DIAPH2: variants seen among roughly 807,000 people sequenced by gnomAD.
DIAPH2 encodes diaphanous related formin 2.
Under a neutral mutation model 92.7 loss-of-function variants are expected in DIAPH2, and 35 were observed. That is an observed-to-expected ratio of 0.38 (90% CI 0.29 to 0.50). The LOEUF (loss-of-function observed/expected upper bound fraction) is 0.50, where lower values mean the gene tolerates loss of function less well. Ranked by LOEUF, DIAPH2 falls within the 20% of genes least tolerant of loss-of-function variation. DIAPH2 has a pLI of 0.94. For synonymous variants in DIAPH2, 301 were observed against 280.4 expected (o/e 1.07, Z -0.73); for missense variants, 701 against 819.5 (o/e 0.86, Z 1.77).
intron 1 of DIAPH2, among the ~76,000 whole-genome samples, chrX:96,696,957 G>C (rs779220552): frequency 1.8e-5 from 2 of 111,798 alleles, no homozygotes; most frequent in East Asian, 5.7e-4. Flanking sequence ...GGTTCACTAT[G>C]ACCATAAGTC....
intron 21 of DIAPH2, among the ~76,000 whole-genome samples, chrX:97,133,713 T>G (rs1860474088): frequency 8.9e-6 from 1 of 112,363 alleles, no homozygotes. Context: ...ATTCTCACTC[T>G]TGGTCTTCAA....
At chrX:96,960,123 T>C (rs976507696) in intron 16 of DIAPH2, among the ~76,000 whole-genome samples, 4 of 111,601 alleles carry the variant, frequency 3.6e-5, no homozygotes, top group African/African-American at 1.3e-4. Context: ...TTTAGGATTA[T>C]TTTTCCTATT....
At chrX:97,021,600 G>C in intron 17 of DIAPH2, among the ~76,000 whole-genome samples, 1 of 111,666 alleles carries the variant, frequency 9.0e-6, no homozygotes, top group East Asian at 2.8e-4. Flanking sequence ...AATATAATGT[G>C]AATGACGTAA....
intron 25 of DIAPH2, among the ~76,000 whole-genome samples, chrX:97,398,387 C>A (rs1481569623): frequency 8.9e-6 from 1 of 111,858 alleles, no homozygotes; most frequent in African/African-American, 3.2e-5. Context: ...TTCCTTCCCC[C>A]ACAGTACATT....
chrX:96,891,938 A>T (rs1256104343), intron 5 of DIAPH2, among the ~76,000 whole-genome samples: 1 of 111,942 alleles, frequency 8.9e-6, no homozygotes, highest in Non-Finnish European at 1.9e-5. Context: ...TTACCTCTGG[A>T]ATATTTGTGT....
chrX:97,428,535 CA>C (rs560564728), intron 25 of DIAPH2, among the ~76,000 whole-genome samples: 955 of 73,784 alleles, frequency 0.013, 3 homozygotes, highest in South Asian at 0.061. Flanking sequence ...AACTCTGTCT[CA>C]AAAAAAAAAA....
intron 22 of DIAPH2, among the ~76,000 whole-genome samples, chrX:97,185,457 A>ATATATATATGTGTGTG (rs2067588505): frequency 2.6e-5 from 1 of 38,385 alleles, no homozygotes; most frequent in Non-Finnish European, 3.7e-5. Flanking sequence ...ATGTGTGTGT[A>ATATATATATGTGTGTG]TATATATATA....
intron 22 of DIAPH2, among the ~76,000 whole-genome samples, chrX:97,160,608 G>C (rs373561526): frequency 9.0e-6 from 1 of 111,414 alleles, no homozygotes; most frequent in Non-Finnish European, 1.9e-5. Context: ...ACCTACTGTC[G>C]TGGATTTCGA....
intron 22 of DIAPH2, among the ~76,000 whole-genome samples, chrX:97,193,111 C>T: frequency 9.6e-6 from 1 of 104,174 alleles, no homozygotes; most frequent in Non-Finnish European, 1.9e-5. Flanking sequence ...CTCCTGGGCT[C>T]AAGCGATTCT....
At chrX:96,934,864 C>A (rs149644361) in intron 10 of DIAPH2, among the ~76,000 whole-genome samples, 2 of 110,719 alleles carry the variant, frequency 1.8e-5, no homozygotes, top group South Asian at 7.5e-4. Flanking sequence ...ATCAGATAAG[C>A]GAAGGAAAAA....
chrX:96,867,331 G>C (rs373191419), intron 4 of DIAPH2, among the ~76,000 whole-genome samples: 4 of 110,958 alleles, frequency 3.6e-5, no homozygotes, highest in South Asian at 7.8e-4. Flanking sequence ...CGATTCTCCT[G>C]CCTCAGCCTC....
chrX:97,519,763 A>T (rs1221514370), intron 26 of DIAPH2, among the ~76,000 whole-genome samples: 1 of 109,604 alleles, frequency 9.1e-6, no homozygotes, highest in Non-Finnish European at 1.9e-5. Flanking sequence ...ATGGAGTCTC[A>T]CTCTGTCACC....
At chrX:97,491,535 C>G (rs761477975) in intron 26 of DIAPH2, among the ~76,000 whole-genome samples, 4 of 110,910 alleles carry the variant, frequency 3.6e-5, no homozygotes, top group Non-Finnish European at 7.6e-5. Flanking sequence ...CTCAGCCTCC[C>G]AAGTAGCTGG....
At chrX:96,690,617 C>A (rs1274093532) in intron 1 of DIAPH2, among the ~76,000 whole-genome samples, 1 of 111,494 alleles carries the variant, frequency 9.0e-6, no homozygotes. Flanking sequence ...TCCCCAATAC[C>A]ATTTGTCCCT....
intron 20 of DIAPH2, among the ~76,000 whole-genome samples, chrX:97,103,789 C>A (rs1217631295): frequency 8.9e-6 from 1 of 111,845 alleles, no homozygotes; most frequent in Non-Finnish European, 1.9e-5. Context: ...CTTACCATGA[C>A]CTAGAAGATA....
intron 24 of DIAPH2, among the ~76,000 whole-genome samples, chrX:97,354,273 C>T (rs1162501154): frequency 1.8e-5 from 2 of 112,171 alleles, no homozygotes; most frequent in Non-Finnish European, 3.8e-5. Context: ...CCATTCACCC[C>T]ATTTTAGTCA....
chrX:97,061,361 T>C lies in DIAPH2; in HGVS notation c.2051-11580T>C, dbSNP rs773585966. Among the ~76,000 whole-genome samples the C allele has an allele frequency of 1.3e-4, 15 of 112,324 alleles. No homozygotes were observed. In the South Asian group the frequency reaches 5.2e-3, roughly 39 times the overall value. On this transcript the variant is annotated intron_variant, in intron 17 of 26. Transcript: ENST00000324765. The stretch of plus-strand genomic sequence containing the variant: ...TTTGTCTAGCTCAGTTCTGGACTTT[T>C]ATTAGATTGAATTTTCTCTCTTTTG...
At chrX:97,089,211 G>C (rs1490216080) in intron 19 of DIAPH2, among the ~76,000 whole-genome samples, 1 of 112,035 alleles carries the variant, frequency 8.9e-6, no homozygotes, top group Non-Finnish European at 1.9e-5. Context: ...CTCATGTGAA[G>C]TTGTGCTTCC....
At chrX:96,701,970 C>G (rs1000017032) in intron 1 of DIAPH2, among the ~76,000 whole-genome samples, 2 of 111,704 alleles carry the variant, frequency 1.8e-5, no homozygotes, top group Non-Finnish European at 3.8e-5. Context: ...TTAATTGATT[C>G]TGATTCCAAA....
Sources: allele counts gnomAD v4.1 joint callset (sites outside exome capture counted in the v4.1 genomes callset), GRCh38; gene constraint gnomAD v4.1.1; transcripts MANE v1.5; gene names NCBI Gene and HGNC (gene_info 2026-07-23, HGNC 2026-07-21).